Variants in SV2C observed in about 807,000 individuals in gnomAD.
SV2C encodes the protein synaptic vesicle glycoprotein 2C.
Under a neutral mutation model 79.7 loss-of-function variants are expected in SV2C, and 49 were observed. The observed-to-expected ratio is 0.61, with a 90% CI of 0.49 to 0.78. SV2C has a LOEUF of 0.78. SV2C is among the 30% of genes least tolerant of loss of function. SV2C has a pLI of 0.00. For missense variants in SV2C, 833 were observed against 912.9 expected (o/e 0.91, Z 1.13); for synonymous variants, 334 against 333.2 (o/e 1.00, Z -0.03).
chr5:76,291,150 A>T, intron 6 of SV2C, 71 bp from the exon 7 acceptor site: 1 of 1,188,766 alleles, frequency 8.4e-7, no homozygotes, highest in Non-Finnish European at 1.2e-6. Context: ...TCCTGTAAAA[A>T]CAAATTATAA....
At chr5:76,222,906 T>C (rs1340390374) in intron 4 of SV2C, among the ~76,000 whole-genome samples, 1 of 152,180 alleles carries the variant, frequency 6.6e-6, no homozygotes, top group East Asian at 1.9e-4. Context: ...ACACAGATAA[T>C]GGAAGATTAG....
At chr5:76,257,075 T>C (rs1002765288) in intron 4 of SV2C, among the ~76,000 whole-genome samples, 5 of 143,728 alleles carry the variant, frequency 3.5e-5, no homozygotes, top group African/African-American at 1.2e-4. Flanking sequence ...TTGCAGATTT[T>C]AGAAACCTGC....
At chr5:76,346,345 C>G (rs751635054) in intron 12 of SV2C, among the ~76,000 whole-genome samples, 1 of 152,324 alleles carries the variant, frequency 6.6e-6, no homozygotes, top group Non-Finnish European at 1.5e-5. Context: ...CTGTGTTTAA[C>G]GATGGCTTGC....
the SV2C span, among the ~76,000 whole-genome samples, chr5:75,935,355 G>A: frequency 0.017 from 2,611 of 152,156 alleles, 58 homozygotes; most frequent in African/African-American, 0.057. Context: ...ATTGAGGTAG[G>A]AGGGTTAATA....
intron 2 of SV2C, among the ~76,000 whole-genome samples, chr5:76,144,581 G>C (rs1234907673): frequency 6.6e-6 from 1 of 152,160 alleles, no homozygotes; most frequent in African/African-American, 2.4e-5. Flanking sequence ...AGTGTCTTCT[G>C]TGCCAGGAGG....
chr5:75,899,625 A>G, the SV2C span, among the ~76,000 whole-genome samples: 12 of 152,030 alleles, frequency 7.9e-5, no homozygotes, highest in East Asian at 1.9e-4. Flanking sequence ...TACCCTTGTT[A>G]ACTTTCTGTC....
the SV2C span, chr5:75,911,908 C>A: frequency 2.0e-6 from 1 of 489,500 alleles, no homozygotes; most frequent in Non-Finnish European, 4.1e-6. Flanking sequence ...CCCACACCTC[C>A]CCAAAGAAGC....
At chr5:76,009,674 G>A in the SV2C span, among the ~76,000 whole-genome samples, 19 of 152,246 alleles carry the variant, frequency 1.2e-4, no homozygotes, top group African/African-American at 3.9e-4. Flanking sequence ...AAAATGCCAC[G>A]TGTTCTCCCT....
At chr5:76,185,946 G>C (rs1743902097) in intron 2 of SV2C, among the ~76,000 whole-genome samples, 1 of 152,176 alleles carries the variant, frequency 6.6e-6, no homozygotes, top group Non-Finnish European at 1.5e-5. Flanking sequence ...TTTATGCTCT[G>C]CTTCCTCTTG....
intron 4 of SV2C, among the ~76,000 whole-genome samples, chr5:76,212,082 T>C (rs1341902069): frequency 6.7e-6 from 1 of 150,052 alleles, no homozygotes; most frequent in Non-Finnish European, 1.5e-5. Context: ...TCTGCCACCA[T>C]CCAAGGAATT....
chr5:75,852,890 A>G, the SV2C span, among the ~76,000 whole-genome samples: 1 of 151,914 alleles, frequency 6.6e-6, no homozygotes, highest in East Asian at 1.9e-4. Flanking sequence ...GATGAAGAGC[A>G]CTGGTATCAG....
intron 4 of SV2C, among the ~76,000 whole-genome samples, chr5:76,262,252 A>G (rs1015244225): frequency 1.3e-5 from 2 of 152,122 alleles, no homozygotes; most frequent in Non-Finnish European, 2.9e-5. Context: ...CTCTGATGGT[A>G]GTTTGTATTT....
the SV2C span, among the ~76,000 whole-genome samples, chr5:76,061,268 TAAAAAAAAAAAAA>T: frequency 1.9e-5 from 1 of 51,618 alleles, no homozygotes; most frequent in Non-Finnish European, 3.4e-5. Context: ...CTTCAATTTG[TAAAAAAAAAAAAA>T]AAAAAAAAAA....
At chr5:76,041,788 T>G in the SV2C span, among the ~76,000 whole-genome samples, 1 of 152,186 alleles carries the variant, frequency 6.6e-6, no homozygotes, top group Non-Finnish European at 1.5e-5. Flanking sequence ...GCATCAGGGT[T>G]GATTCAGCCA....
In SV2C at chr5:76,247,498, A is replaced by G. The variant is rs375062159; in HGVS notation, c.913+37611A>G. Reference sequence around the variant, plus strand: ...AGAAAAAACATTGTTTACTGAGTACAGCTTATTTTCTCCTGCAACGTGATT... The same window carrying G: ...AGAAAAAACATTGTTTACTGAGTACGGCTTATTTTCTCCTGCAACGTGATT... On this transcript the variant is annotated intron_variant, in intron 4 of 12. Coordinates refer to ENST00000502798, the MANE Select transcript of SV2C (RefSeq NM_014979.4). Among the ~76,000 whole-genome samples, 10 of 152,242 alleles carry G rather than the reference A, an allele frequency of 6.6e-5. No homozygotes were observed. The East Asian group carries it at 1.2e-3, about 18-fold the overall frequency.
Position 76,327,444 on chromosome 5 carries a change from T to C in SV2C, c.*1897T>C, listed in dbSNP as rs1292614513. 6.6e-6 allele frequency: 1 copy of C among 152,198 alleles called. No individual in the cohort carries two copies. Among genetic ancestry groups the C allele is most frequent in the African/African-American group, 2.4e-5 (1 of 41,444 alleles). 9.4% of individuals were successfully genotyped at this position (152,198 alleles called of 1,614,324 possible). ...AGGGAAAGAAACAACTTTCTCTCAC[T>C]TCTGCCTCCTATCATTTTATTGGAG... is the stretch of plus-strand genomic sequence containing the variant. On this transcript the variant is annotated 3_prime_UTR_variant, in exon 13 of 13. Transcript: ENST00000502798.
the SV2C span, chr5:75,921,513 C>T: frequency 5.0e-6 from 4 of 805,178 alleles, no homozygotes; most frequent in East Asian, 4.9e-5. Context: ...ATGGCCAGGG[C>T]TGTGACAATC....
chr5:75,858,016 G>A, the SV2C span, among the ~76,000 whole-genome samples: 15 of 152,126 alleles, frequency 9.9e-5, no homozygotes, highest in Non-Finnish European at 1.6e-4. Context: ...GATTCTTTAG[G>A]TTTTTCCAAA....
chr5:76,209,621 T>A, intron 3 of SV2C, 115 bp from the exon 4 acceptor site: 1 of 967,238 alleles, frequency 1.0e-6, no homozygotes, highest in Non-Finnish European at 1.5e-6. Flanking sequence ...TGTTTGTTGA[T>A]ATGCTGGGAT....
Sources: allele counts gnomAD v4.1 joint callset (sites outside exome capture counted in the v4.1 genomes callset), GRCh38; gene constraint gnomAD v4.1.1; transcripts MANE v1.5; gene names NCBI Gene and HGNC (gene_info 2026-07-23, HGNC 2026-07-21).